The following KCNG2 variants were observed in gnomAD, a reference collection of about 807,000 sequenced individuals.
KCNG2 encodes the protein voltage-gated potassium channel regulatory subunit KCNG2.
Under a neutral mutation model 12.3 loss-of-function variants are expected in KCNG2, and 7 were observed. The observed-to-expected ratio is 0.57, with a 90% confidence interval of 0.32 to 1.07. The LOEUF (loss-of-function observed/expected upper bound fraction) is 1.07. KCNG2 is among the 50% of genes least tolerant of loss of function. KCNG2 has a pLI of 0.04. For missense variants in KCNG2, 703 were observed against 726.0 expected (o/e 0.97, Z 0.36); for synonymous variants, 414 against 351.4 (o/e 1.18, Z -1.99).
At chr18:79,892,915 C>CTG (rs199659248) in intron 3 of KCNG2, among the ~76,000 whole-genome samples, 142 of 146,324 alleles carry the variant, frequency 9.7e-4, no homozygotes, top group Non-Finnish European at 6.6e-4. Flanking sequence ...ATAGTTGGGT[C>CTG]TGTCTGCTTT....
chr18:79,896,351 A>C (rs1274121882), intron 3 of KCNG2, among the ~76,000 whole-genome samples: 1 of 151,860 alleles, frequency 6.6e-6, no homozygotes, highest in East Asian at 1.9e-4. Flanking sequence ...ATCAGAACCT[A>C]CTTCAGGTTT....
chr18:79,805,979 TC>T (rs1280606511), intron 1 of KCNG2, among the ~76,000 whole-genome samples: 1 of 152,198 alleles, frequency 6.6e-6, no homozygotes, highest in Non-Finnish European at 1.5e-5. Context: ...GGTGGATTGA[TC>T]CAGCCAGGCC....
At chr18:79,873,546 G>A (rs1273941262) in intron 3 of KCNG2, among the ~76,000 whole-genome samples, 4 of 152,100 alleles carry the variant, frequency 2.6e-5, no homozygotes, top group African/African-American at 7.2e-5. Flanking sequence ...TCGGGGAGCC[G>A]GCCCTAGCTG....
At chr18:79,873,362 C>G (rs1047482326) in intron 3 of KCNG2, among the ~76,000 whole-genome samples, 6 of 151,712 alleles carry the variant, frequency 4.0e-5, no homozygotes, top group Non-Finnish European at 8.8e-5. Flanking sequence ...AGGCCTCCCC[C>G]ACACTCCCGT....
intron 1 of KCNG2, among the ~76,000 whole-genome samples, chr18:79,854,973 G>A (rs1978960034): frequency 6.6e-6 from 1 of 152,168 alleles, no homozygotes; most frequent in Non-Finnish European, 1.5e-5. Context: ...CTTGTCTACC[G>A]ACTGTACTTT....
intron 1 of KCNG2, among the ~76,000 whole-genome samples, chr18:79,846,742 G>T (rs1331321911): frequency 6.6e-6 from 1 of 152,228 alleles, no homozygotes; most frequent in African/African-American, 2.4e-5. Flanking sequence ...CTCAGCTGCA[G>T]TCGTATGCTC....
At chr18:79,802,729 CT>C (rs34196939) in intron 1 of KCNG2, among the ~76,000 whole-genome samples, 28,406 of 146,728 alleles carry the variant, frequency 0.19, 2,705 homozygotes, top group Middle Eastern at 0.24. Context: ...GAGTTCCTGG[CT>C]TTTTTTTTTT....
intron 1 of KCNG2, among the ~76,000 whole-genome samples, chr18:79,825,481 G>A (rs928778380): frequency 8.5e-5 from 13 of 152,162 alleles, no homozygotes; most frequent in African/African-American, 2.9e-4. Context: ...GTCCTTTTCT[G>A]CTGTTTGCTG....
At chr18:79,802,267 G>C (rs910497644) in intron 1 of KCNG2, among the ~76,000 whole-genome samples, 3 of 152,232 alleles carry the variant, frequency 2.0e-5, no homozygotes, top group Non-Finnish European at 4.4e-5. Flanking sequence ...TGTTCAAAAA[G>C]CACTTAGAAG....
rs770205282 is a variant in KCNG2, at chr18:79,899,700, C to T, written c.1285C>T (p.Leu429=). The change falls in exon 4 of 4, where the codon CTG becomes TTG. Residue 429 remains leucine, a synonymous_variant. Coordinates refer to ENST00000316249, the MANE Select transcript of KCNG2 (RefSeq NM_012283.2). ...GCGCGCGGCCAGCCCCGAGCCGGCC[C>T]TGCAGGAGGACAGCACGCACTCGGC... The part of the protein sequence containing the change: ...QQRAASPEPA[L]QEDSTHSATA... 6 of 1,607,396 alleles carry T rather than the reference C, an allele frequency of 3.7e-6. No homozygotes were observed. The East Asian group carries it at 1.3e-4, about 36-fold the overall frequency.
At position 79,884,448 on chromosome 18, in the gene KCNG2, C is replaced by T. The variant is rs899338562; in HGVS notation, c.625-14592C>T. Among the ~76,000 whole-genome samples the T allele has an allele frequency of 2.0e-5, 3 of 152,344 alleles. No homozygotes were observed. The South Asian group carries it at 6.2e-4, about 32-fold the overall frequency. Reference sequence around the variant, plus strand: ...CGGCCTGGCAGGGACTGGCTGGTTCCCTTCCTTGGTTCCCCCAGTGGGATG... The same window carrying T: ...CGGCCTGGCAGGGACTGGCTGGTTCTCTTCCTTGGTTCCCCCAGTGGGATG... On this transcript the variant is annotated intron_variant, in intron 3 of 3. Coordinates refer to ENST00000316249, the MANE Select transcript of KCNG2 (RefSeq NM_012283.2). The surrounding 1 kb of genome is among the most constrained non-coding windows in gnomAD (Gnocchi z 5.5).
rs777057205 is a variant in KCNG2, at chr18:79,800,763, G to T, written c.-115+2749G>T. The stretch of plus-strand genomic sequence containing the variant: ...GGCCTGGCGTGTCCTGCGGGCACCC[G>T]CAGGCTCTGCTCACCCACCGGCTGG... On this transcript the variant is annotated intron_variant, in intron 1 of 3. Transcript: ENST00000316249. This position sits in a 1 kb window ranked among gnomAD's most constrained non-coding sequence, Gnocchi z 4.0. 6.6e-6 allele frequency among the ~76,000 whole-genome samples: 1 copy of T among 152,180 alleles called. No homozygotes were observed. Among genetic ancestry groups the T allele is most frequent in the Non-Finnish European group, 1.5e-5 (1 of 68,028 alleles).
rs1427133153 is a variant in KCNG2 at position 79,822,853 on chromosome 18, C to T, written c.-115+24839C>T. On this transcript the variant is annotated intron_variant, in intron 1 of 3. Coordinates refer to ENST00000316249, the MANE Select transcript of KCNG2 (RefSeq NM_012283.2). The surrounding 1 kb of genome is among the most constrained non-coding windows in gnomAD (Gnocchi z 4.4). Reference sequence around the variant, plus strand: ...ATTACCTGGGAGAGCCCTTGTCTCCCCACGCTTCCGTGGGGTTGTGGATTC... The same window carrying T: ...ATTACCTGGGAGAGCCCTTGTCTCCTCACGCTTCCGTGGGGTTGTGGATTC... 6.6e-6 allele frequency among the ~76,000 whole-genome samples: 1 copy of T among 152,218 alleles called. No homozygotes were observed. Among genetic ancestry groups the T allele is most frequent in the Non-Finnish European group, 1.5e-5 (1 of 68,036 alleles).
chr18:79,850,866 G>A (rs1055265445), intron 1 of KCNG2, among the ~76,000 whole-genome samples: 1 of 152,178 alleles, frequency 6.6e-6, no homozygotes, highest in Non-Finnish European at 1.5e-5. Flanking sequence ...TTGTACCCAC[G>A]AGGGCAGGCG....
At chr18:79,894,248 T>C (rs988615988) in intron 3 of KCNG2, among the ~76,000 whole-genome samples, 18 of 151,576 alleles carry the variant, frequency 1.2e-4, no homozygotes, top group South Asian at 4.2e-4. Context: ...TCAATTGATA[T>C]AGCTGGGTCT....
chr18:79,817,510 C>T (rs923314655), intron 1 of KCNG2, among the ~76,000 whole-genome samples: 2 of 150,374 alleles, frequency 1.3e-5, no homozygotes, highest in Admixed American at 1.3e-4. Context: ...CTCACACACA[C>T]AGTTGCTGCA....
intron 1 of KCNG2, among the ~76,000 whole-genome samples, chr18:79,826,112 CTG>C (rs1409910417): frequency 6.6e-6 from 1 of 152,250 alleles, no homozygotes; most frequent in Non-Finnish European, 1.5e-5. Flanking sequence ...CGCTGACACA[CTG>C]TGGGCGACAG....
chr18:79,846,327 C>T (rs1978625613), intron 1 of KCNG2, among the ~76,000 whole-genome samples: 2 of 125,032 alleles, frequency 1.6e-5, no homozygotes, highest in Non-Finnish European at 3.2e-5. Context: ...GAGCTGAGAT[C>T]GTGTGCCACT....
Position 79,853,908 on chromosome 18 carries a change from G to A in KCNG2, c.-114-2471G>A, listed in dbSNP as rs372933626. On this transcript the variant is annotated intron_variant, in intron 1 of 3. Transcript: ENST00000316249. The stretch of plus-strand genomic sequence containing the variant: ...CCTGTGGGCCTCAGGGCCAAGTGGG[G>A]AGCTGGCTCAGGGGGCTTCCCCCTC... Among the ~76,000 whole-genome samples the A allele has an allele frequency of 3.3e-3, 502 of 152,360 alleles. 3 individuals are homozygous for A. The highest frequency in any genetic ancestry group is 0.012 in the African/African-American group (487 of 41,582).
Sources: gnomAD v4.1 joint callset for allele counts (sites outside exome capture counted in the v4.1 genomes callset) on GRCh38, gnomAD v4.1.1 for gene constraint, Gnocchi (gnomAD v3.1) non-coding constraint, MANE v1.5 for transcripts, NCBI Gene and HGNC (gene_info 2026-07-23, HGNC 2026-07-21) for gene names.